The following CPN1 variants were observed in gnomAD, a reference collection of about 807,000 sequenced individuals.
CPN1 encodes the protein carboxypeptidase N subunit 1, also known as carboxypeptidase N catalytic chain.
CPN1 carries 37 observed loss-of-function variants against 46.4 expected under a neutral mutation model. The observed-to-expected ratio is 0.80, with a 90% CI of 0.61 to 1.05. The LOEUF (loss-of-function observed/expected upper bound fraction) is 1.05, where lower values mean the gene tolerates loss of function less well. Ranked by LOEUF, CPN1 falls within the 50% of genes least tolerant of loss-of-function variation. The pLI is 0.00. For synonymous variants in CPN1, 224 were observed against 235.4 expected (o/e 0.95, Z 0.44); for missense variants, 563 against 602.6 (o/e 0.93, Z 0.69).
intron 5 of CPN1, among the ~76,000 whole-genome samples, chr10:100,057,741 G>A (rs186016513): frequency 6.6e-6 from 1 of 152,224 alleles, no homozygotes; most frequent in East Asian, 1.9e-4. Context: ...GGCAGTGTGT[G>A]TTTAGTATTT....
rs538293457 is a variant in CPN1, at chr10:100,059,925, T to C, written c.872-2773A>G. On this transcript the variant is annotated intron_variant, in intron 5 of 8. Coordinates refer to ENST00000370418, the MANE Select transcript of CPN1 (RefSeq NM_001308.3). ...GTTCAGCCTTAAAAAGTAAGGAAAT[T>C]CTGACAAACGCCATAACATGGATGA... Among the ~76,000 whole-genome samples, 9 of 152,300 alleles carry C rather than the reference T, an allele frequency of 5.9e-5. No individual in the cohort carries two copies. In the East Asian group the frequency reaches 1.7e-3, roughly 29 times the overall value.
chr10:100,051,972 C>T (rs895806627), intron 7 of CPN1, among the ~76,000 whole-genome samples: 4 of 152,076 alleles, frequency 2.6e-5, no homozygotes, highest in African/African-American at 4.8e-5. Flanking sequence ...GTGATTTCGG[C>T]TCACTGCAAC....
chr10:100,042,786 G>C (rs1163700419), intron 8 of CPN1, among the ~76,000 whole-genome samples: 16 of 152,116 alleles, frequency 1.1e-4, no homozygotes, highest in Non-Finnish European at 2.1e-4. Context: ...AATATACATT[G>C]ATTTTACATG....
chr10:100,042,322 T>C lies in CPN1; in HGVS notation c.*105A>G. ...AGACCATTCTGAATTGTTCTGAATA[T>C]GTTTGTATTTAAATATGTCCCAGAT... On this transcript the variant is annotated 3_prime_UTR_variant, in exon 9 of 9. Transcript: ENST00000370418. 2 of 1,443,128 alleles carry C rather than the reference T, an allele frequency of 1.4e-6. No homozygotes were observed. The highest frequency in any genetic ancestry group is 1.4e-5 in the African/African-American group (1 of 71,620). 89.4% of individuals were successfully genotyped at this position (1,443,128 alleles called of 1,614,324 possible).
intron 3 of CPN1, 129 bp from the exon 4 acceptor site, chr10:100,065,499 C>A (rs2041449976): frequency 3.1e-6 from 3 of 972,872 alleles, no homozygotes; most frequent in Non-Finnish European, 3.1e-6. Flanking sequence ...AGCGTCCTGG[C>A]GGATATGAAA....
chr10:100,046,539 G>C (rs919039595), intron 8 of CPN1, among the ~76,000 whole-genome samples: 1 of 152,162 alleles, frequency 6.6e-6, no homozygotes, highest in Admixed American at 6.5e-5. Flanking sequence ...TTGGGAGGCC[G>C]AGGAGGGTGG....
At chr10:100,066,768 A>T (rs1439651362) in intron 3 of CPN1, among the ~76,000 whole-genome samples, 2 of 152,306 alleles carry the variant, frequency 1.3e-5, no homozygotes, top group Non-Finnish European at 1.5e-5. Flanking sequence ...CATCTTTTCC[A>T]TCCCAAGGGG....
intron 7 of CPN1, among the ~76,000 whole-genome samples, chr10:100,050,874 C>T (rs185412711): frequency 9.9e-5 from 15 of 152,204 alleles, no homozygotes; most frequent in Non-Finnish European, 5.9e-5. Context: ...TCAAGCAATT[C>T]TCCCAGCTCA....
At chr10:100,046,053 G>C (rs1007101235) in intron 8 of CPN1, among the ~76,000 whole-genome samples, 1 of 152,194 alleles carries the variant, frequency 6.6e-6, no homozygotes, top group African/African-American at 2.4e-5. Context: ...AACCAAAACT[G>C]AAAAGATCCA....
intron 5 of CPN1, among the ~76,000 whole-genome samples, chr10:100,057,775 G>A (rs534764791): frequency 1.3e-5 from 2 of 152,210 alleles, no homozygotes; most frequent in East Asian, 1.9e-4. Context: ...GAGAAATAAC[G>A]TGAGGAGTAT....
chr10:100,060,199 TTAA>T (rs1369817169), intron 5 of CPN1, among the ~76,000 whole-genome samples: 3 of 152,230 alleles, frequency 2.0e-5, no homozygotes, highest in Non-Finnish European at 4.4e-5. Flanking sequence ...ACAAATGTAC[TTAA>T]TAATACGGAA....
intron 2 of CPN1, among the ~76,000 whole-genome samples, chr10:100,074,394 AGATTCAGTG>A (rs2041502641): frequency 6.6e-6 from 1 of 152,188 alleles, no homozygotes; most frequent in African/African-American, 2.4e-5. Context: ...GATGGCTCTA[AGATTCAGTG>A]GACTGGCAGG....
chr10:100,065,255 T>C lies in CPN1; in HGVS notation c.692A>G (p.Glu231Gly), dbSNP rs765075047. 1.2e-6 allele frequency: 2 copies of C among 1,614,070 alleles called. No homozygotes were observed. The highest frequency in any genetic ancestry group is 1.6e-4 in the Middle Eastern group (1 of 6,062). The change falls in exon 4 of 9, where the codon GAG (glutamate) becomes GGG (glycine). Residue 231 changes from glutamate to glycine, a missense_variant. Transcript: ENST00000370418. ...VANYPYDKSF[E>G]HRVRGVRRTA... is the part of the protein sequence containing the mutation. Reference sequence around the variant, plus strand: ...GCGGCGGACCCCTCGGACCCGGTGCTCAAAGGACTTGTCATACGGGTAATT... The same window carrying C: ...GCGGCGGACCCCTCGGACCCGGTGCCCAAAGGACTTGTCATACGGGTAATT...
chr10:100,054,590 C>T, intron 6 of CPN1, 144 bp from the exon 7 acceptor site: 1 of 693,836 alleles, frequency 1.4e-6, no homozygotes, highest in Non-Finnish European at 2.6e-6. Context: ...GGTCTCTTTG[C>T]CTCTCTCCCT....
At chr10:100,053,996 A>G (rs2041370043) in intron 7 of CPN1, among the ~76,000 whole-genome samples, 1 of 152,178 alleles carries the variant, frequency 6.6e-6, no homozygotes, top group African/African-American at 2.4e-5. Context: ...CCAGTATGTG[A>G]GCTATTAACA....
At chr10:100,075,200 G>C (rs921153099) in intron 2 of CPN1, among the ~76,000 whole-genome samples, 1 of 152,164 alleles carries the variant, frequency 6.6e-6, no homozygotes, top group African/African-American at 2.4e-5. Flanking sequence ...TGAGGCAGGA[G>C]AATTGCTTGA....
rs150259958 is a variant in CPN1 at position 100,081,403 on chromosome 10, A to G, written c.223T>C (p.Leu75=). The part of the protein sequence containing the change: ...FSDHPGIHEP[L]EPEVKYVGNM... ...CCCTCAAGAGCTGTTCAGAACTTAC[A>G]GGGCTCGTGGATTCCAGGGTGGTCG... is the stretch of plus-strand genomic sequence containing the variant. The change falls in exon 1 of 9, where the codon TTG becomes CTG. Residue 75 remains leucine (L), a splice_region_variant and synonymous_variant. Transcript: ENST00000370418. The G allele has an allele frequency of 2.0e-5, 33 of 1,611,732 alleles. No homozygotes were observed. The highest frequency in any genetic ancestry group is 2.5e-5 in the Non-Finnish European group (29 of 1,179,556).
chr10:100,075,944 CATGGATGGCAGG>C lies in CPN1; in HGVS notation c.375_386del (p.Ile125_Ser128del). On this transcript the variant is annotated inframe_deletion, in exon 2 of 9. Transcript: ENST00000370418. ...CAGCCACCTCGTAGCCGTCGGGGTT[CATGGATGGCAGG>C]ATGTGAATGCGCGTGTCCTGGATGA... 1 of 1,614,170 alleles carries C rather than the reference CATGGATGGCAGG, an allele frequency of 6.2e-7. No individual in the cohort carries two copies. The highest frequency in any genetic ancestry group is 8.5e-7 in the Non-Finnish European group (1 of 1,180,056).
intron 7 of CPN1, among the ~76,000 whole-genome samples, chr10:100,052,028 C>T (rs1589471381): frequency 6.6e-6 from 1 of 151,752 alleles, no homozygotes; most frequent in East Asian, 1.9e-4. Flanking sequence ...TGTGCCTCAG[C>T]TTCCCGAGTA....
Sources: allele counts gnomAD v4.1 joint callset (sites outside exome capture counted in the v4.1 genomes callset), GRCh38; gene constraint gnomAD v4.1.1; transcripts MANE v1.5; gene names NCBI Gene and HGNC (gene_info 2026-07-23, HGNC 2026-07-21).